The following UBE3C variants were observed in gnomAD, a reference collection of about 807,000 sequenced individuals.
The protein encoded by UBE3C is ubiquitin protein ligase E3C, also known as ubiquitin-protein ligase E3C.
A neutral mutation model predicts 129.4 loss-of-function variants in UBE3C; 42 were observed. The observed-to-expected ratio is 0.32, with a 90% CI of 0.25 to 0.42. The LOEUF (loss-of-function observed/expected upper bound fraction) is 0.42. UBE3C is among the 10% of genes least tolerant of loss of function. The pLI is 1.00. For synonymous variants in UBE3C, 510 were observed against 492.4 expected, an observed-to-expected ratio of 1.04 and a Z score of -0.47; for missense variants, 1,049 against 1,319.1, an observed-to-expected ratio of 0.80 and a Z score of 3.17.
At chr7:157,234,449 T>G (rs954650734) in intron 18 of UBE3C, among the ~76,000 whole-genome samples, 1 of 152,236 alleles carries the variant, frequency 6.6e-6, no homozygotes, top group African/African-American at 2.4e-5. Context: ...CAGTATGGTC[T>G]TGATTACTGT....
intron 10 of UBE3C, among the ~76,000 whole-genome samples, chr7:157,189,869 C>T (rs1009166565): frequency 8.5e-5 from 13 of 152,156 alleles, no homozygotes; most frequent in African/African-American, 2.4e-5. Flanking sequence ...GGTGTGAACT[C>T]GGCTCACTGC....
At chr7:157,226,753 A>G (rs1387082781) in intron 17 of UBE3C, among the ~76,000 whole-genome samples, 1 of 146,062 alleles carries the variant, frequency 6.8e-6, no homozygotes, top group Non-Finnish European at 1.5e-5. Context: ...TACCGTTGCC[A>G]TTGAATCCTT....
At chr7:157,146,032 A>G (rs1807595615) in intron 1 of UBE3C, among the ~76,000 whole-genome samples, 1 of 152,144 alleles carries the variant, frequency 6.6e-6, no homozygotes, top group Admixed American at 6.5e-5. Context: ...TAGTAGTTTT[A>G]TAATTTTGTA....
At chr7:157,175,097 C>A (rs1808480196) in intron 5 of UBE3C, 63 bp downstream of exon 5, 20 of 956,402 alleles carry the variant, frequency 2.1e-5, no homozygotes, top group Non-Finnish European at 2.4e-5. Context: ...TAGGGGAACA[C>A]CTTTTGACTT....
At chr7:157,195,896 G>A (rs1314110665) in intron 10 of UBE3C, among the ~76,000 whole-genome samples, 1 of 152,150 alleles carries the variant, frequency 6.6e-6, no homozygotes, top group Non-Finnish European at 1.5e-5. Flanking sequence ...ACTGTAGTAG[G>A]CAAGAAGAAT....
At chr7:157,176,769 T>C (rs1293511505) in intron 5 of UBE3C, among the ~76,000 whole-genome samples, 1 of 152,178 alleles carries the variant, frequency 6.6e-6, no homozygotes, top group Non-Finnish European at 1.5e-5. Context: ...AGATCTTTGT[T>C]TTCTGTGAGG....
intron 18 of UBE3C, among the ~76,000 whole-genome samples, chr7:157,237,237 C>T (rs556579660): frequency 2.0e-5 from 3 of 151,670 alleles, no homozygotes; most frequent in East Asian, 3.9e-4. Context: ...GTCAGGAGAT[C>T]GAGACCATCC....
chr7:157,141,720 A>T (rs1807457169), intron 1 of UBE3C, among the ~76,000 whole-genome samples: 1 of 152,146 alleles, frequency 6.6e-6, no homozygotes, highest in Admixed American at 6.5e-5. Flanking sequence ...TCTGACCTCC[A>T]TTACTGTAGA....
intron 17 of UBE3C, among the ~76,000 whole-genome samples, 163 bp from the exon 18 acceptor site, chr7:157,230,917 T>C (rs1248570308): frequency 6.6e-6 from 1 of 152,136 alleles, no homozygotes; most frequent in Non-Finnish European, 1.5e-5. Flanking sequence ...GGAGCAAGAC[T>C]CTGTCTCAAA....
At chr7:157,262,194 G>A (rs994297562) in intron 22 of UBE3C, among the ~76,000 whole-genome samples, 1 of 151,786 alleles carries the variant, frequency 6.6e-6, no homozygotes, top group African/African-American at 2.4e-5. Flanking sequence ...TGAATAATAA[G>A]TGTAATAAAT....
At chr7:157,250,656 G>A (rs967398774) in intron 19 of UBE3C, among the ~76,000 whole-genome samples, 1 of 152,164 alleles carries the variant, frequency 6.6e-6, no homozygotes, top group Non-Finnish European at 1.5e-5. Flanking sequence ...AACTTATTTA[G>A]TTGCTTTTGT....
At chr7:157,236,879 C>A (rs1231103843) in intron 18 of UBE3C, among the ~76,000 whole-genome samples, 2 of 151,798 alleles carry the variant, frequency 1.3e-5, no homozygotes, top group Non-Finnish European at 2.9e-5. Context: ...TTACAGGTAT[C>A]CACCACCATG....
intron 2 of UBE3C, among the ~76,000 whole-genome samples, chr7:157,164,981 G>T (rs986263401): frequency 6.6e-6 from 1 of 152,138 alleles, no homozygotes; most frequent in East Asian, 1.9e-4. Flanking sequence ...ATAATTCTTT[G>T]TTGGGGGGAA....
At chr7:157,225,598 A>G in intron 17 of UBE3C, 59 bp downstream of exon 17, 1 of 1,485,820 alleles carries the variant, frequency 6.7e-7, no homozygotes, top group South Asian at 1.4e-5. Flanking sequence ...ATTGTTTTAG[A>G]AAATGGTGGT....
chr7:157,258,682 A>G (rs1421963272), intron 22 of UBE3C, among the ~76,000 whole-genome samples: 1 of 151,662 alleles, frequency 6.6e-6, no homozygotes, highest in Non-Finnish European at 1.5e-5. Context: ...CTGGTCTCAA[A>G]CTCCTGACCT....
intron 13 of UBE3C, among the ~76,000 whole-genome samples, chr7:157,215,804 G>T (rs1795549355): frequency 1.3e-5 from 2 of 152,028 alleles, no homozygotes; most frequent in Admixed American, 6.6e-5. Flanking sequence ...ATTACAAAAT[G>T]CATTTCTATT....
intron 22 of UBE3C, among the ~76,000 whole-genome samples, chr7:157,261,389 A>T (rs1796910898): frequency 6.6e-6 from 1 of 151,776 alleles, no homozygotes; most frequent in Non-Finnish European, 1.5e-5. Context: ...GACCCCGCAC[A>T]ATCATAATTG....
intron 1 of UBE3C, among the ~76,000 whole-genome samples, chr7:157,144,828 C>A (rs561906607): frequency 6.6e-6 from 1 of 152,282 alleles, no homozygotes; most frequent in South Asian, 2.1e-4. Context: ...TCATCAGTTA[C>A]AATTGATAAA....
intron 1 of UBE3C, chr7:157,139,913 G>A (rs1359402359): frequency 1.3e-6 from 1 of 778,836 alleles, no homozygotes; most frequent in African/African-American, 1.9e-5. Context: ...GAATAGCCAC[G>A]TGTTTGAATC....
Sources: allele counts gnomAD v4.1 joint callset (sites outside exome capture counted in the v4.1 genomes callset), GRCh38; gene constraint gnomAD v4.1.1; transcripts MANE v1.5; gene names NCBI Gene and HGNC (gene_info 2026-07-23, HGNC 2026-07-21).